The following BAIAP2L1 variants were observed in gnomAD, a reference collection of about 807,000 sequenced individuals.
BAIAP2L1 encodes the protein BAR/IMD domain containing adaptor protein 2 like 1.
A neutral mutation model predicts 66.3 loss-of-function variants in BAIAP2L1; 35 were observed. That is an observed-to-expected ratio of 0.53 (90% CI 0.40 to 0.70). The LOEUF is 0.70. Among genes scored for constraint, BAIAP2L1 ranks in the 30% least tolerant of loss-of-function variants. BAIAP2L1 has a pLI of 0.00. For synonymous variants in BAIAP2L1, 269 were observed against 248.7 expected (o/e 1.08, Z -0.77); for missense variants, 622 against 656.9 (o/e 0.95, Z 0.58).
At chr7:98,296,663 G>A (rs564184483) in intron 12 of BAIAP2L1, among the ~76,000 whole-genome samples, 1 of 152,240 alleles carries the variant, frequency 6.6e-6, no homozygotes, top group East Asian at 1.9e-4. Flanking sequence ...AACAAAAACA[G>A]AAACAACAAA....
At chr7:98,399,591 T>TAGA (rs1803301513) in intron 1 of BAIAP2L1, among the ~76,000 whole-genome samples, 1 of 152,224 alleles carries the variant, frequency 6.6e-6, no homozygotes, top group Non-Finnish European at 1.5e-5. Flanking sequence ...TGCCTATACA[T>TAGA]GAACTTAGAG....
chr7:98,310,890 T>G (rs1030978232), intron 8 of BAIAP2L1, among the ~76,000 whole-genome samples: 3 of 152,000 alleles, frequency 2.0e-5, no homozygotes, highest in Non-Finnish European at 4.4e-5. Flanking sequence ...TTCACCATGT[T>G]AGCCAGGCTG....
At chr7:98,384,830 C>T (rs1399016882) in intron 1 of BAIAP2L1, among the ~76,000 whole-genome samples, 2 of 151,550 alleles carry the variant, frequency 1.3e-5, no homozygotes, top group East Asian at 2.0e-4. Flanking sequence ...TCCCAAGTAG[C>T]TGGGTTTACA....
chr7:98,362,534 C>A, intron 1 of BAIAP2L1, 102 bp from the exon 2 acceptor site: 1 of 872,616 alleles, frequency 1.1e-6, no homozygotes, highest in South Asian at 1.6e-5. Flanking sequence ...GGATGCCTAA[C>A]AGCACAGTCT....
At chr7:98,393,246 T>C (rs1443564514) in intron 1 of BAIAP2L1, among the ~76,000 whole-genome samples, 2 of 151,716 alleles carry the variant, frequency 1.3e-5, no homozygotes, top group Non-Finnish European at 2.9e-5. Flanking sequence ...TTCGCCATGT[T>C]GGCTAGGCTG....
At chr7:98,353,110 G>C (rs1038408554) in intron 3 of BAIAP2L1, among the ~76,000 whole-genome samples, 4 of 151,700 alleles carry the variant, frequency 2.6e-5, no homozygotes, top group Non-Finnish European at 5.9e-5. Flanking sequence ...AGTTACTACA[G>C]TTCAGTCCTC....
intron 3 of BAIAP2L1, among the ~76,000 whole-genome samples, chr7:98,354,137 G>T (rs1241338780): frequency 6.6e-6 from 1 of 151,842 alleles, no homozygotes; most frequent in Non-Finnish European, 1.5e-5. Flanking sequence ...GATCGCCTCT[G>T]CACCCAACAG....
chr7:98,322,901 C>T (rs567777485), intron 3 of BAIAP2L1: 4 of 152,378 alleles, frequency 2.6e-5, no homozygotes, highest in Admixed American at 2.6e-4. Context: ...ACTTCAGAGC[C>T]CTCTGCAAAC....
chr7:98,324,276 A>G (rs1211299608), intron 3 of BAIAP2L1, among the ~76,000 whole-genome samples: 1 of 152,260 alleles, frequency 6.6e-6, no homozygotes, highest in Non-Finnish European at 1.5e-5. Flanking sequence ...CATAACTCGA[A>G]GACATTTTCT....
chr7:98,377,383 C>T (rs920947467), intron 1 of BAIAP2L1, among the ~76,000 whole-genome samples: 2 of 152,154 alleles, frequency 1.3e-5, no homozygotes, highest in Non-Finnish European at 2.9e-5. Context: ...TAGATACTCC[C>T]AAATTTGAAG....
chr7:98,340,792 G>GT (rs1765266874), intron 3 of BAIAP2L1, among the ~76,000 whole-genome samples: 2 of 123,714 alleles, frequency 1.6e-5, no homozygotes, highest in Non-Finnish European at 3.8e-5. Flanking sequence ...TGCTCTTACA[G>GT]GTTTTTTTTT....
intron 1 of BAIAP2L1, among the ~76,000 whole-genome samples, chr7:98,375,086 C>CA (rs1328432497): frequency 1.2e-4 from 18 of 148,862 alleles, no homozygotes; most frequent in South Asian, 2.1e-4. Flanking sequence ...GACCCTGTCT[C>CA]AAAAAAAACA....
intron 1 of BAIAP2L1, among the ~76,000 whole-genome samples, chr7:98,369,465 G>A (rs542974756): frequency 5.9e-5 from 9 of 152,104 alleles, no homozygotes; most frequent in South Asian, 4.1e-4. Context: ...GCGATAAAGC[G>A]AGACCCTGTC....
chr7:98,293,892 G>A (rs1322948476), intron 13 of BAIAP2L1, among the ~76,000 whole-genome samples, 182 bp downstream of exon 13: 2 of 152,212 alleles, frequency 1.3e-5, no homozygotes, highest in Non-Finnish European at 2.9e-5. Flanking sequence ...GGGAAGCCCT[G>A]CTCCCAGCGT....
At chr7:98,330,635 T>C (rs1006541679) in intron 3 of BAIAP2L1, among the ~76,000 whole-genome samples, 2 of 152,156 alleles carry the variant, frequency 1.3e-5, no homozygotes, top group African/African-American at 4.8e-5. Flanking sequence ...CCAGCCTGGG[T>C]GACAGAGCAA....
intron 3 of BAIAP2L1, among the ~76,000 whole-genome samples, chr7:98,347,087 G>A (rs1801887912): frequency 6.6e-6 from 1 of 152,172 alleles, no homozygotes; most frequent in Non-Finnish European, 1.5e-5. Flanking sequence ...TAATTGCAAG[G>A]ATGAAATGTT....
At chr7:98,329,281 A>G (rs1199940393) in intron 3 of BAIAP2L1, among the ~76,000 whole-genome samples, 1 of 152,244 alleles carries the variant, frequency 6.6e-6, no homozygotes, top group East Asian at 1.9e-4. Context: ...CCTGAAAACC[A>G]GACGGACAGG....
intron 3 of BAIAP2L1, among the ~76,000 whole-genome samples, chr7:98,354,434 T>G (rs1802073915): frequency 1.3e-5 from 2 of 152,272 alleles, no homozygotes; most frequent in Non-Finnish European, 2.9e-5. Flanking sequence ...ATTCAACAAG[T>G]TTTTTAAATG....
At chr7:98,381,619 G>C (rs1802761012) in intron 1 of BAIAP2L1, among the ~76,000 whole-genome samples, 1 of 152,202 alleles carries the variant, frequency 6.6e-6, no homozygotes, top group Admixed American at 6.6e-5. Flanking sequence ...TGTGATCACT[G>C]AAAGACATGC....
Sources: allele counts gnomAD v4.1 joint callset (sites outside exome capture counted in the v4.1 genomes callset), GRCh38; gene constraint gnomAD v4.1.1; transcripts MANE v1.5; gene names NCBI Gene and HGNC (gene_info 2026-07-23, HGNC 2026-07-21).